Variants in TG observed in about 807,000 individuals in gnomAD.
TG encodes thyroglobulin.
TG carries 270 observed loss-of-function variants against 324.7 expected under a neutral mutation model. That is an observed-to-expected ratio of 0.83 (90% CI 0.75 to 0.92). The LOEUF is 0.92. TG is among the 40% of genes least tolerant of loss of function. The probability of loss-of-function intolerance (pLI) is 0.00; values close to 1 mark genes in which losing one functional copy is unlikely to be tolerated. For missense variants in TG, 3,591 were observed against 3,456.4 expected, an observed-to-expected ratio of 1.04 and a Z score of -0.98; for synonymous variants, 1,401 against 1,327.0, an observed-to-expected ratio of 1.06 and a Z score of -1.21.
intron 41 of TG, chr8:133,050,486 G>A: frequency 3.8e-6 from 1 of 264,518 alleles, no homozygotes. Flanking sequence ...CCTGGGGGCT[G>A]CCTTCCCGGT....
At chr8:133,056,555 C>T (rs768855593) in intron 41 of TG, among the ~76,000 whole-genome samples, 2 of 152,208 alleles carry the variant, frequency 1.3e-5, no homozygotes, top group African/African-American at 2.4e-5. Flanking sequence ...AGTCAGACCA[C>T]CTGGCTTTGA....
intron 35 of TG, among the ~76,000 whole-genome samples, chr8:132,987,113 C>T (rs1831666934): frequency 6.6e-6 from 1 of 151,974 alleles, no homozygotes; most frequent in Non-Finnish European, 1.5e-5. Context: ...ATACACACAG[C>T]CTATGGGCCT....
intron 35 of TG, among the ~76,000 whole-genome samples, chr8:133,001,318 C>T (rs1027332870): frequency 6.6e-6 from 1 of 152,100 alleles, no homozygotes; most frequent in Non-Finnish European, 1.5e-5. Context: ...CACTGAAGAG[C>T]TCAACAGTAG....
chr8:133,055,373 A>G (rs1002385298), intron 41 of TG, among the ~76,000 whole-genome samples: 1 of 32,074 alleles, frequency 3.1e-5, no homozygotes, highest in Non-Finnish European at 5.9e-5. Context: ...GCGCACACAC[A>G]CACACACACA....
Position 132,919,484 on chromosome 8 carries a change from G to A in TG, c.4487G>A (p.Gly1496Asp). ...TTGGCCTGTGTCCCATGTCCTGTGGGCAGAACGACCATTTCTGCTGGAGCT... is the reference window on the plus strand; with the variant it reads ...TTGGCCTGTGTCCCATGTCCTGTGGACAGAACGACCATTTCTGCTGGAGCT... ...GSLACVPCPV[G>D]RTTISAGAFS... Residue 1496 changes from glycine (G) to aspartate (D), a missense_variant, in exon 21 of 48, where the codon GGC (glycine) becomes GAC (aspartate). Coordinates refer to ENST00000220616, the MANE Select transcript of TG (RefSeq NM_003235.5). The A allele has an allele frequency of 1.2e-6, 2 of 1,614,086 alleles. No homozygotes were observed. Among genetic ancestry groups the A allele is most frequent in the Non-Finnish European group, 1.7e-6 (2 of 1,179,964 alleles).
chr8:133,040,153 G>A (rs749923057), intron 41 of TG: 46 of 1,573,388 alleles, frequency 2.9e-5, no homozygotes, highest in Non-Finnish European at 3.6e-5. Context: ...GCAGACAGCC[G>A]GTCAGGGACC....
intron 41 of TG, among the ~76,000 whole-genome samples, chr8:133,072,332 G>C (rs1351835409): frequency 1.3e-5 from 2 of 152,248 alleles, no homozygotes; most frequent in Non-Finnish European, 2.9e-5. Flanking sequence ...GGTTTGAACA[G>C]AGTGTACTTA....
At position 132,961,136 on chromosome 8, in the gene TG, A is replaced by G. The variant is rs1212945225; in HGVS notation, c.5467+63A>G. ...TGATTACATGAGATTGTCTGGCACC[A>G]CCTCTCATTCACAGGGCACTCTATT... On this transcript the variant is annotated intron_variant, in intron 28 of 47. Coordinates refer to ENST00000220616, the MANE Select transcript of TG (RefSeq NM_003235.5). 57 of 1,515,986 alleles carry G rather than the reference A, an allele frequency of 3.8e-5. 1 individual carries two copies. In the East Asian group the frequency reaches 1.2e-3, roughly 33 times the overall value. The allele number at this position is 1,515,986 out of a possible 1,614,324, so 93.9% of individuals were successfully genotyped here.
chr8:133,085,171 C>A (rs185881602), intron 41 of TG, among the ~76,000 whole-genome samples: 1 of 152,172 alleles, frequency 6.6e-6, no homozygotes, highest in Admixed American at 6.5e-5. Context: ...AAAAATATAC[C>A]AAGGTATAAT....
chr8:132,917,773 A>G (rs923174930), intron 20 of TG, among the ~76,000 whole-genome samples: 2 of 152,008 alleles, frequency 1.3e-5, no homozygotes, highest in Non-Finnish European at 2.9e-5. Context: ...GGGTTTGTGG[A>G]CAAGGGTTGG....
intron 35 of TG, among the ~76,000 whole-genome samples, chr8:133,005,179 A>G (rs1171250589): frequency 6.6e-6 from 1 of 152,208 alleles, no homozygotes; most frequent in Non-Finnish European, 1.5e-5. Flanking sequence ...CAAGTTTCCC[A>G]TGAAAACTGA....
chr8:132,933,596 G>C lies in TG; in HGVS notation c.4852G>C (p.Val1618Leu). The C allele has an allele frequency of 6.2e-7, 1 of 1,614,140 alleles. No individual in the cohort carries two copies. The highest frequency in any genetic ancestry group is 1.1e-5 in the South Asian group (1 of 91,088). Reference protein sequence around the residue: ...TEDEACSFFTVSTTEPEISCD... With the variant: ...TEDEACSFFTLSTTEPEISCD... ...GGACGAGGCCTGCAGCTTCTTCACC[G>C]TGTCCACGACGGAGCCAGAGATTTC... Residue 1618 changes from valine to leucine, a missense_variant, in exon 24 of 48, where the codon GTG becomes CTG. Physicochemically the swap from Val to Leu is conservative, Grantham distance 32 (BLOSUM62 1). Coordinates refer to ENST00000220616, the MANE Select transcript of TG (RefSeq NM_003235.5).
chr8:132,928,473 G>C lies in TG; in HGVS notation c.4700-603G>C, dbSNP rs773371557. 4.1e-4 allele frequency among the ~76,000 whole-genome samples: 63 copies of C among 152,264 alleles called. 1 individual carries two copies. The highest frequency in any genetic ancestry group is 2.1e-3 in the Admixed American group (32 of 15,298). On this transcript the variant is annotated intron_variant, in intron 22 of 47. Transcript: ENST00000220616. ...AAAGTTCCAACTCTCATAGCCCTGAGAAATTATATTTCTTCCTCCTCACTT... is the reference window on the plus strand; with the variant it reads ...AAAGTTCCAACTCTCATAGCCCTGACAAATTATATTTCTTCCTCCTCACTT...
intron 35 of TG, among the ~76,000 whole-genome samples, chr8:133,007,942 G>C (rs113601205): frequency 9.9e-5 from 15 of 152,036 alleles, no homozygotes; most frequent in African/African-American, 2.9e-4. Context: ...AACCAGTTTT[G>C]TCTCACCCAT....
intron 45 of TG, among the ~76,000 whole-genome samples, chr8:133,119,451 T>C (rs1031017138): frequency 1.3e-5 from 2 of 152,226 alleles, no homozygotes; most frequent in Admixed American, 6.5e-5. Context: ...TTCTGGAGGC[T>C]GGAAGTCCAA....
At chr8:132,917,408 G>GTA (rs1563952607) in intron 20 of TG, among the ~76,000 whole-genome samples, 1 of 151,876 alleles carries the variant, frequency 6.6e-6, no homozygotes, top group Non-Finnish European at 1.5e-5. Flanking sequence ...GTGTGTGTGT[G>GTA]TATACCTGTG....
intron 41 of TG, among the ~76,000 whole-genome samples, chr8:133,067,598 A>T (rs1429757170): frequency 6.6e-6 from 1 of 152,086 alleles, no homozygotes; most frequent in Non-Finnish European, 1.5e-5. Context: ...CAACGTTGTG[A>T]AACCCTATCT....
chr8:132,871,994 G>C (rs1034241488), intron 4 of TG, among the ~76,000 whole-genome samples: 2 of 152,104 alleles, frequency 1.3e-5, no homozygotes, highest in Admixed American at 6.5e-5. Flanking sequence ...CTAGGCTAAT[G>C]TGTGTGTGTA....
intron 41 of TG, among the ~76,000 whole-genome samples, chr8:133,062,418 G>C (rs1027004823): frequency 1.3e-5 from 2 of 152,248 alleles, no homozygotes; most frequent in Admixed American, 6.5e-5. Context: ...CACAGCAGGT[G>C]GCGTGACTCC....
Sources: gnomAD v4.1 joint callset for allele counts (sites outside exome capture counted in the v4.1 genomes callset) on GRCh38, gnomAD v4.1.1 for gene constraint, MANE v1.5 for transcripts, NCBI Gene and HGNC (gene_info 2026-07-23, HGNC 2026-07-21) for gene names.